The following MEGF11 variants were observed in gnomAD, a reference collection of about 807,000 sequenced individuals.
MEGF11 encodes multiple EGF like domains 11.
In MEGF11, 126 loss-of-function variants were observed where a neutral mutation model predicts 146.6. The observed-to-expected ratio is 0.86, with a 90% confidence interval of 0.74 to 1.00. The LOEUF is 1.00. Among genes scored for constraint, MEGF11 ranks in the 50% least tolerant of loss-of-function variants. The pLI, the probability that MEGF11 is intolerant of heterozygous loss-of-function variation, is 0.00. For missense variants in MEGF11, 1,509 were observed against 1,521.2 expected (o/e 0.99, Z 0.13); for synonymous variants, 532 against 583.4 (o/e 0.91, Z 1.27).
intron 5 of MEGF11, among the ~76,000 whole-genome samples, chr15:66,027,761 C>A (rs2083386221): frequency 6.6e-6 from 1 of 152,170 alleles, no homozygotes; most frequent in African/African-American, 2.4e-5. Context: ...AGAGTCACTG[C>A]CCTCTATGCC....
chr15:66,081,418 A>C (rs2140542597), intron 5 of MEGF11, among the ~76,000 whole-genome samples: 1 of 152,274 alleles, frequency 6.6e-6, no homozygotes, highest in South Asian at 2.1e-4. Flanking sequence ...TCACTCTGTC[A>C]TCCAGGCTGG....
intron 13 of MEGF11, among the ~76,000 whole-genome samples, chr15:65,923,298 AGAGAT>A (rs2079241506): frequency 6.6e-6 from 1 of 152,216 alleles, no homozygotes; most frequent in African/African-American, 2.4e-5. Flanking sequence ...GGGTACGGCA[AGAGAT>A]GAGATTGTGG....
chr15:66,136,476 C>A (rs987404868), intron 1 of MEGF11, among the ~76,000 whole-genome samples: 22 of 152,194 alleles, frequency 1.4e-4, no homozygotes, highest in Admixed American at 1.1e-3. Flanking sequence ...CAGACATGGG[C>A]ATCAGACAAG....
intron 5 of MEGF11, among the ~76,000 whole-genome samples, chr15:66,043,819 C>T (rs1224367790): frequency 3.3e-5 from 5 of 152,120 alleles, no homozygotes; most frequent in Admixed American, 1.3e-4. Flanking sequence ...AGCCCCAGAG[C>T]GGGAAGGATG....
At chr15:66,160,027 G>C (rs1043741795) in intron 1 of MEGF11, among the ~76,000 whole-genome samples, 2 of 151,968 alleles carry the variant, frequency 1.3e-5, no homozygotes, top group African/African-American at 2.4e-5. Context: ...ATTTTTCTTT[G>C]CTAATGGAAC....
chr15:66,037,883 G>A (rs938642001), intron 5 of MEGF11, among the ~76,000 whole-genome samples: 4 of 152,054 alleles, frequency 2.6e-5, no homozygotes, highest in Non-Finnish European at 4.4e-5. Context: ...GGAGGTGATC[G>A]GGACAAGCAC....
chr15:66,229,046 C>T (rs1157049360), intron 1 of MEGF11, among the ~76,000 whole-genome samples: 2 of 152,082 alleles, frequency 1.3e-5, no homozygotes, highest in African/African-American at 4.8e-5. Flanking sequence ...TGCACTCTGC[C>T]CTCCCCTTTG....
At chr15:65,911,354 T>C (rs983661414) in intron 21 of MEGF11, among the ~76,000 whole-genome samples, 1 of 152,260 alleles carries the variant, frequency 6.6e-6, no homozygotes, top group South Asian at 2.1e-4. Context: ...CTCTATAATA[T>C]GCCACTTGCA....
chr15:66,195,727 C>G (rs1200864945), intron 1 of MEGF11, among the ~76,000 whole-genome samples: 1 of 152,244 alleles, frequency 6.6e-6, no homozygotes, highest in Non-Finnish European at 1.5e-5. Context: ...GTGTTAACCC[C>G]TGAACTTCTA....
At chr15:66,245,500 C>A (rs996742763) in intron 1 of MEGF11, among the ~76,000 whole-genome samples, 1 of 151,320 alleles carries the variant, frequency 6.6e-6, no homozygotes, top group African/African-American at 2.4e-5. Context: ...GGCATGGTGG[C>A]ATACACCTGT....
At chr15:66,045,012 A>G (rs2084147225) in intron 5 of MEGF11, among the ~76,000 whole-genome samples, 1 of 152,158 alleles carries the variant, frequency 6.6e-6, no homozygotes, top group Non-Finnish European at 1.5e-5. Context: ...ATGAAGCTCA[A>G]ACAGTGCAAG....
chr15:66,194,676 G>A (rs2090965824), intron 1 of MEGF11, among the ~76,000 whole-genome samples: 1 of 151,596 alleles, frequency 6.6e-6, no homozygotes, highest in South Asian at 2.1e-4. Flanking sequence ...AGAAGGGGGA[G>A]GGGGAGGGGG....
chr15:66,020,210 C>T (rs1485442299), intron 5 of MEGF11, among the ~76,000 whole-genome samples: 2 of 152,210 alleles, frequency 1.3e-5, no homozygotes, highest in East Asian at 3.8e-4. Context: ...CCAATCTGGC[C>T]AATGGGATTC....
At chr15:66,088,832 A>G (rs1040243302) in intron 5 of MEGF11, among the ~76,000 whole-genome samples, 3 of 152,176 alleles carry the variant, frequency 2.0e-5, no homozygotes, top group Non-Finnish European at 4.4e-5. Flanking sequence ...GCCAAGGGCC[A>G]GGGAAGGGGG....
intron 5 of MEGF11, among the ~76,000 whole-genome samples, chr15:66,000,493 C>T (rs1443622374): frequency 1.3e-5 from 2 of 152,002 alleles, no homozygotes; most frequent in Non-Finnish European, 2.9e-5. Context: ...AACTGCACCA[C>T]TGCAGTCCAG....
intron 4 of MEGF11, among the ~76,000 whole-genome samples, chr15:66,108,755 A>C (rs79430078): frequency 0.014 from 2,078 of 152,304 alleles, 41 homozygotes; most frequent in African/African-American, 0.047. Context: ...TGCAGCATCA[A>C]GCAGCTAACG....
intron 1 of MEGF11, among the ~76,000 whole-genome samples, chr15:66,145,865 T>C (rs1457983574): frequency 1.3e-5 from 2 of 152,286 alleles, no homozygotes; most frequent in East Asian, 3.9e-4. Context: ...CAAATGGAGA[T>C]AGCAATTGTA....
At chr15:66,182,740 C>T (rs2090586077) in intron 1 of MEGF11, among the ~76,000 whole-genome samples, 1 of 152,150 alleles carries the variant, frequency 6.6e-6, no homozygotes, top group African/African-American at 2.4e-5. Flanking sequence ...AGTTTGCAGG[C>T]CTGCAAGTCT....
intron 1 of MEGF11, among the ~76,000 whole-genome samples, chr15:66,203,506 G>C (rs1399055884): frequency 6.6e-6 from 1 of 152,102 alleles, no homozygotes; most frequent in East Asian, 1.9e-4. Flanking sequence ...AGTATGTGAG[G>C]GTGAACTCTC....
Sources: gnomAD v4.1 joint callset for allele counts (sites outside exome capture counted in the v4.1 genomes callset) on GRCh38, gnomAD v4.1.1 for gene constraint, MANE v1.5 for transcripts, NCBI Gene and HGNC (gene_info 2026-07-23, HGNC 2026-07-21) for gene names.